Variants in ROR1 observed in about 807,000 individuals in gnomAD.
ROR1 encodes the protein ROR family WNT receptor 1.
A neutral mutation model predicts 78.8 loss-of-function variants in ROR1; 19 were observed. The observed-to-expected ratio is 0.24, with a 90% CI of 0.17 to 0.35. The LOEUF is 0.35. Among genes scored for constraint, ROR1 ranks in the 10% least tolerant of loss-of-function variants. The probability of loss-of-function intolerance (pLI) is 1.00; values close to 1 mark genes in which losing one functional copy is unlikely to be tolerated. For missense variants in ROR1, 917 were observed against 1,177.8 expected, an observed-to-expected ratio of 0.78 and a Z score of 3.24; for synonymous variants, 386 against 433.6, an observed-to-expected ratio of 0.89 and a Z score of 1.36.
intron 1 of ROR1, among the ~76,000 whole-genome samples, chr1:63,895,399 A>G (rs1285211194): frequency 6.6e-6 from 1 of 152,186 alleles, no homozygotes; most frequent in Non-Finnish European, 1.5e-5. Flanking sequence ...ACACTCACTT[A>G]AGAAAATAAA....
chr1:64,004,105 T>G (rs890456089), intron 1 of ROR1, among the ~76,000 whole-genome samples: 2 of 152,274 alleles, frequency 1.3e-5, no homozygotes, highest in Admixed American at 6.5e-5. Flanking sequence ...GAAGTCAGCA[T>G]GTATTTCCTT....
chr1:64,178,212 TC>T lies in ROR1; in HGVS notation c.2172del (p.Met725Ter), dbSNP rs1194334073. ...GACTGCCCACCCAGAATGTACAGCC[TC>T]ATGACAGAGTGCTGGAATGAGATTC... Reference protein sequence around the residue: ...SEDCPPRMYSLMTECWNEIPS... With the variant: ...SEDCPPRMYSXMTECWNEIPS... On this transcript the variant is annotated frameshift_variant, in exon 9 of 9. Transcript: ENST00000371079. LOFTEE classifies it high-confidence loss of function. The surrounding 1 kb of genome is among the most constrained non-coding windows in gnomAD (Gnocchi z 4.3). 1 of 1,613,952 alleles carries T rather than the reference TC, an allele frequency of 6.2e-7. No homozygotes were observed. The highest frequency in any genetic ancestry group is 8.5e-7 in the Non-Finnish European group (1 of 1,179,998).
chr1:64,107,339 C>T (rs1647864915), intron 4 of ROR1, among the ~76,000 whole-genome samples: 1 of 152,302 alleles, frequency 6.6e-6, no homozygotes, highest in South Asian at 2.1e-4. Flanking sequence ...CTCAGACTCT[C>T]TTAACCACAA....
intron 4 of ROR1, among the ~76,000 whole-genome samples, chr1:64,128,864 G>A (rs1220866387): frequency 2.0e-5 from 3 of 152,166 alleles, no homozygotes; most frequent in African/African-American, 4.8e-5. Flanking sequence ...AGAAGATGAT[G>A]TAAGGATATT....
At chr1:64,046,477 CT>C (rs1321930392) in intron 2 of ROR1, among the ~76,000 whole-genome samples, 5 of 152,200 alleles carry the variant, frequency 3.3e-5, no homozygotes, top group Non-Finnish European at 5.9e-5. Context: ...ATCTACTACA[CT>C]GATTTCAAGG....
At chr1:63,898,099 T>A (rs1203237454) in intron 1 of ROR1, among the ~76,000 whole-genome samples, 6 of 152,196 alleles carry the variant, frequency 3.9e-5, no homozygotes, top group African/African-American at 1.4e-4. Flanking sequence ...GCTGGTCTCA[T>A]CCCAGCAATA....
chr1:63,990,723 C>T lies in ROR1; in HGVS notation c.92-18582C>T, dbSNP rs1399354088. Among the ~76,000 whole-genome samples the T allele has an allele frequency of 6.6e-5, 10 of 152,100 alleles. No homozygotes were observed. In the East Asian group the frequency reaches 1.9e-3, roughly 30 times the overall value. On this transcript the variant is annotated intron_variant, in intron 1 of 8. Transcript: ENST00000371079. The stretch of plus-strand genomic sequence containing the variant: ...AAAACCTAGTTCCTCATGTATTATC[C>T]TCCCAAACACATGTTATGTGTTTAC...
intron 1 of ROR1, among the ~76,000 whole-genome samples, chr1:63,983,017 C>T (rs562303391): frequency 6.6e-6 from 1 of 152,216 alleles, no homozygotes; most frequent in South Asian, 2.1e-4. Flanking sequence ...TAAATGTTAC[C>T]TCATGCTATT....
intron 1 of ROR1, among the ~76,000 whole-genome samples, chr1:63,839,379 T>TCTAC (rs1373030654): frequency 6.6e-6 from 1 of 151,940 alleles, no homozygotes; most frequent in African/African-American, 2.4e-5. Flanking sequence ...TATCTATCTA[T>TCTAC]CTATCTATCT....
intron 7 of ROR1, chr1:64,142,939 T>G (rs1649367202): frequency 8.3e-7 from 1 of 1,202,974 alleles, no homozygotes; most frequent in East Asian, 4.3e-5. Context: ...ATCACATTGA[T>G]TTTTATAGAA....
At chr1:64,118,956 G>A (rs1398627035) in intron 4 of ROR1, among the ~76,000 whole-genome samples, 1 of 152,222 alleles carries the variant, frequency 6.6e-6, no homozygotes, top group Non-Finnish European at 1.5e-5. Context: ...TGGTTTGACA[G>A]TATTAATGAA....
intron 1 of ROR1, among the ~76,000 whole-genome samples, chr1:63,975,220 T>C (rs1056307118): frequency 1.3e-5 from 2 of 152,176 alleles, no homozygotes; most frequent in South Asian, 2.1e-4. Context: ...AAGAGGATAC[T>C]GGAGCAAGGA....
intron 1 of ROR1, among the ~76,000 whole-genome samples, chr1:63,940,364 G>C (rs964408467): frequency 6.6e-6 from 1 of 151,982 alleles, no homozygotes; most frequent in East Asian, 1.9e-4. Flanking sequence ...GCCAAATCTG[G>C]GACACTTTGA....
Position 64,165,701 on chromosome 1 carries a change from C to CTTT in ROR1, c.1386+6528_1386+6530dup, listed in dbSNP as rs576997668. On this transcript the variant is annotated intron_variant, in intron 8 of 8. Coordinates refer to ENST00000371079, the MANE Select transcript of ROR1 (RefSeq NM_005012.4). ...AGGATTTTTATAATTTCGGGTTTTA[C>CTTT]TTTTTTTTTTTTTTTTTTTTTGAGA... Among the ~76,000 whole-genome samples, 304 of 102,892 alleles carry CTTT rather than the reference C, an allele frequency of 3.0e-3. 6 individuals carry two copies. Among genetic ancestry groups the CTTT allele is most frequent in the Middle Eastern group, 7.2e-3 (1 of 138 alleles). The allele number at this position is 102,892 out of a possible 152,430, so 67.5% of individuals were successfully genotyped here.
intron 4 of ROR1, among the ~76,000 whole-genome samples, chr1:64,115,937 A>G (rs1321964820): frequency 2.0e-5 from 3 of 152,204 alleles, no homozygotes; most frequent in Non-Finnish European, 2.9e-5. Flanking sequence ...ATAAATGGTC[A>G]ACATGATTAT....
intron 1 of ROR1, among the ~76,000 whole-genome samples, chr1:63,816,244 T>C (rs1478693214): frequency 1.3e-5 from 2 of 152,170 alleles, no homozygotes; most frequent in Admixed American, 1.3e-4. Flanking sequence ...AGGAGAGTGA[T>C]TGATATGGTT....
chr1:64,047,281 CATTA>C (rs1398221074), intron 2 of ROR1, among the ~76,000 whole-genome samples: 2 of 152,208 alleles, frequency 1.3e-5, no homozygotes, highest in Non-Finnish European at 2.9e-5. Flanking sequence ...ATAGTAACAA[CATTA>C]ATTAACATTT....
At chr1:63,864,397 C>G (rs1645202202) in intron 1 of ROR1, among the ~76,000 whole-genome samples, 1 of 152,182 alleles carries the variant, frequency 6.6e-6, no homozygotes, top group African/African-American at 2.4e-5. Context: ...ATCCTCAAGT[C>G]TAAGGATTCT....
chr1:64,130,660 A>G (rs538632531), intron 4 of ROR1, among the ~76,000 whole-genome samples: 50 of 152,314 alleles, frequency 3.3e-4, no homozygotes, highest in African/African-American at 1.2e-3. Flanking sequence ...CTCCTCCAGA[A>G]GAGGAAGGAG....
Sources: gnomAD v4.1 joint callset for allele counts (sites outside exome capture counted in the v4.1 genomes callset) on GRCh38, gnomAD v4.1.1 for gene constraint, Gnocchi (gnomAD v3.1) non-coding constraint, MANE v1.5 for transcripts, NCBI Gene and HGNC (gene_info 2026-07-23, HGNC 2026-07-21) for gene names.